Variants in FOXJ2 observed in about 807,000 individuals in gnomAD.
The protein encoded by FOXJ2 is forkhead box J2.
A neutral mutation model predicts 68.4 loss-of-function variants in FOXJ2; 18 were observed. The ratio of observed to expected loss-of-function variants is 0.26; its 90% CI spans 0.18 to 0.39. The LOEUF is 0.39. Ranked by LOEUF, FOXJ2 falls within the 10% of genes least tolerant of loss-of-function variation. The pLI is 1.00. For missense variants in FOXJ2, 670 were observed against 726.5 expected, an observed-to-expected ratio of 0.92 and a Z score of 0.89; for synonymous variants, 274 against 263.2, an observed-to-expected ratio of 1.04 and a Z score of -0.40.
rs771502037 is a variant in FOXJ2 at position 8,036,402 on chromosome 12, C to T, written c.-15+2569C>T. ...TATGTGTCTGTTTTTCTCTGCCTTT[C>T]TCCCAGTTCTGTAGTCTTCATTAGA... On this transcript the variant is annotated intron_variant, in intron 1 of 10. Transcript: ENST00000162391. Among the ~76,000 whole-genome samples, 3 of 152,314 alleles carry T rather than the reference C, an allele frequency of 2.0e-5. No homozygotes were observed. In the East Asian group the frequency reaches 5.8e-4, roughly 29 times the overall value.
At chr12:8,046,250 T>C (rs1483491491) in intron 6 of FOXJ2, among the ~76,000 whole-genome samples, 1 of 152,176 alleles carries the variant, frequency 6.6e-6, no homozygotes, top group African/African-American at 2.4e-5. Flanking sequence ...ACAGTTTCTT[T>C]TTAGTGTATT....
intron 6 of FOXJ2, 87 bp from the exon 7 acceptor site, chr12:8,047,795 G>A (rs1386392447): frequency 6.8e-6 from 10 of 1,480,490 alleles, no homozygotes; most frequent in South Asian, 1.3e-5. Flanking sequence ...GTTTTAGTCT[G>A]AGGCTTCCCA....
chr12:8,041,348 C>T (rs529166725), intron 2 of FOXJ2, among the ~76,000 whole-genome samples: 2 of 150,750 alleles, frequency 1.3e-5, no homozygotes, highest in Non-Finnish European at 3.0e-5. Context: ...ATTACAGGCG[C>T]CTGCCACTGC....
At chr12:8,049,712 T>C in intron 9 of FOXJ2, 141 bp downstream of exon 9, 1 of 693,288 alleles carries the variant, frequency 1.4e-6, no homozygotes, top group East Asian at 2.9e-5. Flanking sequence ...ATCAGTTGAC[T>C]GAATATCTGT....
At chr12:8,042,560 T>G in intron 2 of FOXJ2, 98 bp from the exon 3 acceptor site, 1 of 949,870 alleles carries the variant, frequency 1.1e-6, no homozygotes, top group Non-Finnish European at 1.7e-6. Flanking sequence ...TTCAACTGCA[T>G]GGTGTATTAT....
chr12:8,034,882 C>T (rs1946877468), intron 1 of FOXJ2, among the ~76,000 whole-genome samples: 1 of 152,236 alleles, frequency 6.6e-6, no homozygotes, highest in Non-Finnish European at 1.5e-5. Flanking sequence ...AGGAAATCCT[C>T]CCCTGAAGCC....
chr12:8,052,850 G>A lies in FOXJ2; in HGVS notation c.1725G>A (p.Ter575=), dbSNP rs150114729. The change falls in exon 11 of 11, where the codon TAG becomes TAA. Residue 575 remains the stop codon, a stop_retained_variant. Coordinates refer to ENST00000162391, the MANE Select transcript of FOXJ2 (RefSeq NM_018416.3). Reference sequence around the variant, plus strand: ...ACTTCGACTGGGACTTGATCACTTAGTGCATCACAGAGTGTGGACATCAGC... The same window carrying A: ...ACTTCGACTGGGACTTGATCACTTAATGCATCACAGAGTGTGGACATCAGC... ...PDDFDWDLIT[*] 59 of 1,602,364 alleles carry A rather than the reference G, an allele frequency of 3.7e-5. No homozygotes were observed. In the African/African-American group the frequency reaches 6.8e-4, roughly 19 times the overall value.
intron 1 of FOXJ2, among the ~76,000 whole-genome samples, chr12:8,034,284 C>A (rs772631806): frequency 4.3e-4 from 65 of 152,224 alleles, no homozygotes; most frequent in African/African-American, 1.5e-3. Flanking sequence ...CAGGGCATGC[C>A]GAGGTCAGCT....
chr12:8,043,250 C>CT (rs1025770694), intron 3 of FOXJ2, among the ~76,000 whole-genome samples: 15 of 141,714 alleles, frequency 1.1e-4, no homozygotes, highest in African/African-American at 3.9e-4. Flanking sequence ...ACTGTGAAAT[C>CT]TTTTTTTTAA....
intron 5 of FOXJ2, 57 bp from the exon 6 acceptor site, chr12:8,044,703 G>GTT: frequency 6.3e-7 from 1 of 1,589,120 alleles, no homozygotes; most frequent in Non-Finnish European, 8.6e-7. Flanking sequence ...CCATTGAAGG[G>GTT]TTTTATTGGT....
intron 3 of FOXJ2, 63 bp downstream of exon 3, chr12:8,042,795 C>A: frequency 7.5e-7 from 1 of 1,334,200 alleles, no homozygotes; most frequent in South Asian, 1.2e-5. Flanking sequence ...GTTGACAGTC[C>A]AGAGTCCTGT....
intron 10 of FOXJ2, among the ~76,000 whole-genome samples, 171 bp from the exon 11 acceptor site, chr12:8,052,591 G>A (rs1947140486): frequency 1.3e-5 from 2 of 152,268 alleles, no homozygotes; most frequent in South Asian, 4.1e-4. Flanking sequence ...TTTATTTCCT[G>A]AGACCTCACT....
At chr12:8,051,271 A>G (rs1431988209) in intron 10 of FOXJ2, among the ~76,000 whole-genome samples, 1 of 151,804 alleles carries the variant, frequency 6.6e-6, no homozygotes, top group Admixed American at 6.6e-5. Context: ...CTGGGACTAC[A>G]GACCCACACC....
In FOXJ2 at chr12:8,044,929, T is replaced by G. The variant is rs200052277; in HGVS notation, c.788T>G (p.Leu263Arg). ...WSFRNLYKSM[L>R]EKSSSSSQHG... ...TTCCGCAACCTCTATAAGTCCATGC[T>G]GGAGAAGTCCTCTTCCTCCTCTCAG... Residue 263 changes from leucine to arginine, a missense_variant, in exon 6 of 11, where the codon CTG becomes CGG. This residue lies in a region of FOXJ2 where 555 missense variants were observed against 562.2 expected (regional missense o/e 0.99). Transcript: ENST00000162391. The G allele has an allele frequency of 2.0e-5, 32 of 1,614,258 alleles. No individual in the cohort carries two copies. The highest frequency in any genetic ancestry group is 2.6e-5 in the Non-Finnish European group (31 of 1,180,040).
rs201849066 is a variant in FOXJ2, at chr12:8,052,884, G to A, written c.*34G>A. 168 of 1,559,246 alleles carry A rather than the reference G, an allele frequency of 1.1e-4. 2 individuals carry two copies. The East Asian group carries it at 1.1e-3, about 11-fold the overall frequency. The stretch of plus-strand genomic sequence containing the variant: ...AGAGTGTGGACATCAGCCCAGGGCC[G>A]CGTGGTGAAATCTGGCAGTGGGGAA... On this transcript the variant is annotated 3_prime_UTR_variant, in exon 11 of 11. Transcript: ENST00000162391.
At chr12:8,036,533 G>A (rs1390348591) in intron 1 of FOXJ2, among the ~76,000 whole-genome samples, 1 of 150,772 alleles carries the variant, frequency 6.6e-6, no homozygotes, top group East Asian at 1.9e-4. Context: ...GCCTGACTCA[G>A]GTTCTGCCCA....
rs1236406751 is a variant in FOXJ2, at chr12:8,041,322, C to T, written c.333+1157C>T. On this transcript the variant is annotated intron_variant, in intron 2 of 10. Transcript: ENST00000162391. ...GTTCAAGCAATCCTCCTGCCTCAGC[C>T]TCCCGAGTAGCTGGGATTACAGGCG... 1.1e-3 allele frequency among the ~76,000 whole-genome samples: 168 copies of T among 152,052 alleles called. 1 individual carries two copies. Among genetic ancestry groups the T allele is most frequent in the Non-Finnish European group, 1.8e-4 (12 of 67,982 alleles).
intron 7 of FOXJ2, 151 bp from the exon 8 acceptor site, chr12:8,048,546 A>C: frequency 9.1e-7 from 1 of 1,097,244 alleles, no homozygotes; most frequent in Non-Finnish European, 1.3e-6. Context: ...TTCCAGTCCT[A>C]AACTCCCAGG....
chr12:8,047,812 C>G (rs1212263067), intron 6 of FOXJ2, 70 bp from the exon 7 acceptor site: 1 of 1,516,162 alleles, frequency 6.6e-7, no homozygotes, highest in African/African-American at 1.4e-5. Flanking sequence ...CCCATCTCAA[C>G]CCAGGGAAAA....
Sources: gnomAD v4.1 joint callset for allele counts (sites outside exome capture counted in the v4.1 genomes callset) on GRCh38, gnomAD v4.1.1 for gene constraint, gnomAD v4.1.1 regional missense constraint, MANE v1.5 for transcripts, NCBI Gene and HGNC (gene_info 2026-07-23, HGNC 2026-07-21) for gene names.